Variants in FRMD3 observed in about 807,000 individuals in gnomAD.
FRMD3 encodes FERM domain-containing protein 3.
In FRMD3, 33 loss-of-function variants were observed where a neutral mutation model predicts 70.2. That is an observed-to-expected ratio of 0.47 (90% CI 0.36 to 0.63). FRMD3 has a LOEUF of 0.63. FRMD3 is among the 20% of genes least tolerant of loss of function. The probability of loss-of-function intolerance (pLI) is 0.00; values close to 1 mark genes in which losing one functional copy is unlikely to be tolerated. For missense variants in FRMD3, 632 were observed against 711.4 expected (o/e 0.89, Z 1.27); for synonymous variants, 279 against 255.9 (o/e 1.09, Z -0.86).
chr9:83,561,641 G>A, the FRMD3 span, among the ~76,000 whole-genome samples: 1 of 152,174 alleles, frequency 6.6e-6, no homozygotes, highest in African/African-American at 2.4e-5. Context: ...ATACTTGCTA[G>A]TCATCATGGC....
At chr9:83,434,334 G>A (rs1827069178) in intron 1 of FRMD3, among the ~76,000 whole-genome samples, 1 of 152,184 alleles carries the variant, frequency 6.6e-6, no homozygotes, top group Non-Finnish European at 1.5e-5. Flanking sequence ...GACACAGGGG[G>A]ACTTCAGTTC....
At chr9:83,545,832 T>C in the FRMD3 span, among the ~76,000 whole-genome samples, 1 of 152,086 alleles carries the variant, frequency 6.6e-6, no homozygotes, top group Non-Finnish European at 1.5e-5. Context: ...GATTTACACA[T>C]CCAGATACAA....
intron 1 of FRMD3, among the ~76,000 whole-genome samples, chr9:83,507,459 A>G (rs561883886): frequency 2.7e-5 from 4 of 149,142 alleles, no homozygotes; most frequent in Non-Finnish European, 5.9e-5. Context: ...CAAGGTCAGG[A>G]GATCGAGACC....
intron 13 of FRMD3, among the ~76,000 whole-genome samples, chr9:83,286,337 T>C (rs911579396): frequency 1.4e-4 from 1 of 7,404 alleles, no homozygotes; most frequent in Non-Finnish European, 2.3e-3. Context: ...GAGAACACTT[T>C]TTTTTTTTTT....
intron 1 of FRMD3, among the ~76,000 whole-genome samples, chr9:83,394,930 G>C (rs2131307356): frequency 6.6e-6 from 1 of 152,270 alleles, no homozygotes; most frequent in Admixed American, 6.5e-5. Context: ...CATAATGGGA[G>C]AATAATGATG....
intron 13 of FRMD3, among the ~76,000 whole-genome samples, chr9:83,271,609 A>C (rs929465103): frequency 2.6e-5 from 4 of 152,234 alleles, no homozygotes; most frequent in African/African-American, 9.6e-5. Flanking sequence ...TCCAATTCAA[A>C]GAAATGGTCA....
chr9:83,538,808 C>T (rs1829960871), upstream of FRMD3, among the ~76,000 whole-genome samples: 3 of 152,202 alleles, frequency 2.0e-5, no homozygotes, highest in African/African-American at 7.2e-5. This position sits in a 1 kb window ranked among gnomAD's most constrained non-coding sequence, Gnocchi z 4.7. Context: ...GGACCTGGCG[C>T]GGGTAGGGGA....
At chr9:83,443,014 T>C (rs1334376880) in intron 1 of FRMD3, among the ~76,000 whole-genome samples, 1 of 152,226 alleles carries the variant, frequency 6.6e-6, no homozygotes, top group Non-Finnish European at 1.5e-5. Flanking sequence ...CATATGGCCT[T>C]AGATGTGTAT....
At chr9:83,281,373 G>A (rs112200629) in intron 13 of FRMD3, among the ~76,000 whole-genome samples, 15 of 152,176 alleles carry the variant, frequency 9.9e-5, no homozygotes, top group African/African-American at 3.4e-4. Context: ...CTTCCCCTCC[G>A]CAGACCACAC....
intron 1 of FRMD3, among the ~76,000 whole-genome samples, chr9:83,526,559 G>C (rs1367674431): frequency 6.6e-6 from 1 of 152,180 alleles, no homozygotes; most frequent in African/African-American, 2.4e-5. Context: ...ATCTGTAACA[G>C]AGATACTTAC....
chr9:83,423,581 G>GTTTTT (rs1229194226), intron 1 of FRMD3, among the ~76,000 whole-genome samples: 21 of 62,426 alleles, frequency 3.4e-4, no homozygotes, highest in Non-Finnish European at 5.2e-4. Flanking sequence ...CACTAGCCCT[G>GTTTTT]TTTCTTTTTT....
chr9:83,584,271 AC>A, the FRMD3 span, among the ~76,000 whole-genome samples: 1 of 152,058 alleles, frequency 6.6e-6, no homozygotes, highest in African/African-American at 2.4e-5. Context: ...AGATCGCACC[AC>A]TGCACTCCAG....
chr9:83,558,145 T>C, the FRMD3 span, among the ~76,000 whole-genome samples: 4 of 152,194 alleles, frequency 2.6e-5, no homozygotes, highest in African/African-American at 9.6e-5. Flanking sequence ...ACCTTGCAGA[T>C]TTGTTGAAGG....
chr9:83,552,450 T>C, the FRMD3 span, among the ~76,000 whole-genome samples: 1 of 152,192 alleles, frequency 6.6e-6, no homozygotes, highest in East Asian at 1.9e-4. Flanking sequence ...TACATTCTGT[T>C]GTTTTGGGGT....
intron 1 of FRMD3, among the ~76,000 whole-genome samples, chr9:83,473,202 C>T (rs926454450): frequency 2.0e-5 from 3 of 152,148 alleles, no homozygotes; most frequent in African/African-American, 7.2e-5. Context: ...GACTCTTACA[C>T]CGACATCTCA....
At chr9:83,285,082 TCA>T (rs1834142153) in intron 13 of FRMD3, among the ~76,000 whole-genome samples, 1 of 152,212 alleles carries the variant, frequency 6.6e-6, no homozygotes, top group Non-Finnish European at 1.5e-5. Flanking sequence ...CTTTGCGTGT[TCA>T]CACACAGACT....
chr9:83,444,917 C>T (rs1301298658), intron 1 of FRMD3, among the ~76,000 whole-genome samples: 2 of 152,222 alleles, frequency 1.3e-5, no homozygotes, highest in African/African-American at 4.8e-5. Context: ...CCTGCAACAA[C>T]TATGCCAAGT....
At chr9:83,451,352 C>CCA (rs147154939) in intron 1 of FRMD3, among the ~76,000 whole-genome samples, 17,420 of 147,954 alleles carry the variant, frequency 0.12, 1,020 homozygotes, top group East Asian at 0.15. Flanking sequence ...CTGCCCCACT[C>CCA]CACACACACA....
intron 1 of FRMD3, among the ~76,000 whole-genome samples, chr9:83,420,377 A>C (rs1826596379): frequency 6.6e-6 from 1 of 152,218 alleles, no homozygotes; most frequent in Non-Finnish European, 1.5e-5. Flanking sequence ...AAACAAACAC[A>C]GTTATACTCA....
Sources: gnomAD v4.1 joint callset for allele counts (sites outside exome capture counted in the v4.1 genomes callset) on GRCh38, gnomAD v4.1.1 for gene constraint, Gnocchi (gnomAD v3.1) non-coding constraint, MANE v1.5 for transcripts, NCBI Gene and HGNC (gene_info 2026-07-23, HGNC 2026-07-21) for gene names.